CLUL1: variants seen among roughly 807,000 people sequenced by gnomAD.
CLUL1 encodes clusterin like 1.
Under a neutral mutation model 49.4 loss-of-function variants are expected in CLUL1, and 43 were observed. The observed-to-expected ratio is 0.87, with a 90% CI of 0.68 to 1.12. The LOEUF is 1.12. CLUL1 is among the 50% of genes most tolerant of loss of function. The pLI is 0.00. For synonymous variants in CLUL1, 192 were observed against 184.9 expected, an observed-to-expected ratio of 1.04 and a Z score of -0.31; for missense variants, 486 against 544.4, an observed-to-expected ratio of 0.89 and a Z score of 1.07.
At chr18:621,845 A>T (rs558984088) in intron 4 of CLUL1, among the ~76,000 whole-genome samples, 2 of 152,206 alleles carry the variant, frequency 1.3e-5, no homozygotes, top group African/African-American at 2.4e-5. Context: ...GGCAAGGAGG[A>T]CAGGGTATAC....
Position 641,485 on chromosome 18 carries a change from G to C in CLUL1, c.1153G>C (p.Val385Leu), listed in dbSNP as rs1330471832. The C allele has an allele frequency of 6.2e-7, 1 of 1,614,196 alleles. No homozygotes were observed. The highest frequency in any genetic ancestry group is 1.7e-5 in the Admixed American group (1 of 60,028). The part of the protein sequence containing the change: ...VEKMRGQFGW[V>L]SELANQAPET... ...GAAGATGAGAGGGCAATTTGGCTGG[G>C]TGTCTGAACTGGCAAACCAGGCCCC... Residue 385 changes from valine to leucine, a missense_variant, in exon 8 of 10, where the codon GTG becomes CTG. By Grantham distance (32) the Val-to-Leu change is conservative. Coordinates refer to ENST00000692774, the MANE Select transcript of CLUL1 (RefSeq NM_001393344.1).
intron 6 of CLUL1, among the ~76,000 whole-genome samples, chr18:629,327 G>A (rs1426551351): frequency 6.6e-6 from 1 of 152,166 alleles, no homozygotes; most frequent in African/African-American, 2.4e-5. Context: ...TAGCCTGACT[G>A]TTTACATGGA....
chr18:598,763 C>T (rs2072732551), intron 1 of CLUL1, among the ~76,000 whole-genome samples: 1 of 152,098 alleles, frequency 6.6e-6, no homozygotes, highest in African/African-American at 2.4e-5. Flanking sequence ...AATATGAGAT[C>T]CACTCATATG....
At chr18:624,553 C>T (rs924472251) in intron 4 of CLUL1, among the ~76,000 whole-genome samples, 1 of 152,146 alleles carries the variant, frequency 6.6e-6, no homozygotes, top group Non-Finnish European at 1.5e-5. Flanking sequence ...GTTCCCAGAT[C>T]GGGATGGCAT....
At chr18:639,682 T>C (rs574454910) in intron 7 of CLUL1, among the ~76,000 whole-genome samples, 28 of 152,068 alleles carry the variant, frequency 1.8e-4, no homozygotes, top group African/African-American at 6.8e-4. Flanking sequence ...CAAGTATCAC[T>C]TGATCCCAGG....
intron 9 of CLUL1, among the ~76,000 whole-genome samples, chr18:649,144 C>T (rs1483743153): frequency 6.6e-6 from 1 of 152,008 alleles, no homozygotes. Context: ...TATATCAATG[C>T]ATTCAGGGTC....
At chr18:640,356 G>A (rs755739870) in intron 7 of CLUL1, among the ~76,000 whole-genome samples, 5 of 151,970 alleles carry the variant, frequency 3.3e-5, no homozygotes, top group Non-Finnish European at 5.9e-5. Context: ...GCTGTAGTGA[G>A]CTATGATCAT....
At position 650,009 on chromosome 18, in the gene CLUL1, T is replaced by C; in HGVS notation, c.*108T>C. On this transcript the variant is annotated 3_prime_UTR_variant, in exon 10 of 10. Coordinates refer to ENST00000692774, the MANE Select transcript of CLUL1 (RefSeq NM_001393344.1). ...TGCAATAAACACAGTTGCAGGAAAG[T>C]ATGTTAGCTATATACTATGAAGTAC... is the stretch of plus-strand genomic sequence containing the variant. The C allele has an allele frequency of 2.6e-6, 2 of 766,784 alleles. No individual in the cohort carries two copies. The highest frequency in any genetic ancestry group is 2.2e-6 in the Non-Finnish European group (1 of 456,488). The allele number at this position is 766,784 out of a possible 1,614,324, so 47.5% of individuals were successfully genotyped here.
intron 4 of CLUL1, among the ~76,000 whole-genome samples, 196 bp from the exon 5 acceptor site, chr18:624,669 C>T (rs574961803): frequency 3.2e-4 from 49 of 152,192 alleles, no homozygotes; most frequent in Non-Finnish European, 5.0e-4. Context: ...GATTTACAGT[C>T]TTCAATAGGA....
intron 4 of CLUL1, among the ~76,000 whole-genome samples, chr18:619,930 G>A (rs1355580857): frequency 5.9e-5 from 9 of 151,858 alleles, no homozygotes; most frequent in Admixed American, 5.9e-4. Context: ...GGCTGGTCCC[G>A]AACTCTGGGG....
At chr18:616,301 AAAAC>A (rs1478658998) in intron 2 of CLUL1, among the ~76,000 whole-genome samples, 2 of 152,172 alleles carry the variant, frequency 1.3e-5, no homozygotes, top group African/African-American at 4.8e-5. Flanking sequence ...GCCAAACGAG[AAAAC>A]AAACAAACAA....
intron 2 of CLUL1, among the ~76,000 whole-genome samples, chr18:612,094 C>T (rs191217544): frequency 1.3e-5 from 2 of 152,322 alleles, no homozygotes; most frequent in East Asian, 3.9e-4. Flanking sequence ...TATCTCTTTC[C>T]TGGTGATTAA....
At chr18:649,870 C>T in intron 9 of CLUL1, 28 bp from the exon 10 acceptor site, 1 of 1,293,130 alleles carries the variant, frequency 7.7e-7, no homozygotes, top group Admixed American at 1.9e-5. Flanking sequence ...GTATTTTGAT[C>T]ATTGCTGCCT....
chr18:610,817 T>C (rs1433150112), intron 2 of CLUL1, among the ~76,000 whole-genome samples: 12 of 152,086 alleles, frequency 7.9e-5, no homozygotes, highest in Admixed American at 7.9e-4. Flanking sequence ...TGGGAGGATC[T>C]CTTGAGTCCA....
chr18:633,910 A>C (rs922309758), intron 7 of CLUL1, among the ~76,000 whole-genome samples: 5 of 151,724 alleles, frequency 3.3e-5, no homozygotes, highest in African/African-American at 1.2e-4. Context: ...GAGGAAATTA[A>C]GTTTAAAAGT....
chr18:606,865 G>T lies in CLUL1; in HGVS notation c.-135-113G>T, dbSNP rs2072986141. ...CTTCCCCCACCAGCACCCCCCACAA[G>T]GCAAGGCCAGTTCACCCTCAGTGCT... On this transcript the variant is annotated intron_variant, in intron 1 of 9. Coordinates refer to ENST00000692774, the MANE Select transcript of CLUL1 (RefSeq NM_001393344.1). The surrounding 1 kb of genome is among the most constrained non-coding windows in gnomAD (Gnocchi z 4.1). 3.9e-6 allele frequency: 2 copies of T among 515,126 alleles called. No homozygotes were observed. Among genetic ancestry groups the T allele is most frequent in the African/African-American group, 1.9e-5 (1 of 51,566 alleles). 31.9% of individuals were successfully genotyped at this position (515,126 alleles called of 1,614,324 possible). A position where few individuals can be genotyped will look rare whatever the true frequency, so the allele number is the denominator to read the frequency against.
chr18:624,628 T>C (rs1002608083), intron 4 of CLUL1, among the ~76,000 whole-genome samples: 2 of 152,202 alleles, frequency 1.3e-5, no homozygotes, highest in African/African-American at 4.8e-5. Flanking sequence ...CAGTAAATAC[T>C]TATTGAACAA....
chr18:641,406 C>T lies in CLUL1; in HGVS notation c.1074C>T (p.Gly358=). The T allele has an allele frequency of 6.2e-7, 1 of 1,614,130 alleles. No homozygotes were observed. ...RLVNVSNQQY[G]QILQMTRKHL... ...TCAATGTATCCAATCAGCAGTATGG[C>T]CAGATTCTCCAGATGACCCGGAAGC... is the stretch of plus-strand genomic sequence containing the variant. The change falls in exon 8 of 10, where the codon GGC becomes GGT. Residue 358 remains glycine, a synonymous_variant. Transcript: ENST00000692774.
chr18:602,084 A>G (rs573208451), intron 1 of CLUL1, among the ~76,000 whole-genome samples: 302 of 152,114 alleles, frequency 2.0e-3, no homozygotes, highest in Non-Finnish European at 3.3e-3. Context: ...TAAAAGAGGT[A>G]ATGAACAACT....
Sources: gnomAD v4.1 joint callset for allele counts (sites outside exome capture counted in the v4.1 genomes callset) on GRCh38, gnomAD v4.1.1 for gene constraint, Gnocchi (gnomAD v3.1) non-coding constraint, MANE v1.5 for transcripts, NCBI Gene and HGNC (gene_info 2026-07-23, HGNC 2026-07-21) for gene names.